Variants in TUSC3 observed in about 807,000 individuals in gnomAD.
TUSC3 encodes the protein tumor suppressor candidate 3.
In TUSC3, 45 loss-of-function variants were observed where a neutral mutation model predicts 44.8. The ratio of observed to expected loss-of-function variants is 1.00; its 90% CI spans 0.79 to 1.29. The LOEUF (loss-of-function observed/expected upper bound fraction) is 1.29. TUSC3 is among the 50% of genes most tolerant of loss of function. TUSC3 has a pLI of 0.00. For synonymous variants in TUSC3, 212 were observed against 152.9 expected, an observed-to-expected ratio of 1.39 and a Z score of -2.85; for missense variants, 519 against 437.9, an observed-to-expected ratio of 1.19 and a Z score of -1.65.
At chr8:15,464,664 G>T (rs1204359007) in intron 1 of TUSC3, among the ~76,000 whole-genome samples, 1 of 151,946 alleles carries the variant, frequency 6.6e-6, no homozygotes, top group East Asian at 1.9e-4. Context: ...TGGAGATATG[G>T]GACTTTAATT....
intron 2 of TUSC3, among the ~76,000 whole-genome samples, chr8:15,637,624 A>G (rs989689341): frequency 1.3e-5 from 2 of 152,040 alleles, no homozygotes; most frequent in Non-Finnish European, 2.9e-5. Context: ...AGCCTTGTAC[A>G]GATGCTGTTG....
chr8:15,761,822 T>C (rs1812179341), intron 10 of TUSC3, among the ~76,000 whole-genome samples: 1 of 152,280 alleles, frequency 6.6e-6, no homozygotes, highest in South Asian at 2.1e-4. Flanking sequence ...TTATACATTT[T>C]TGTGATAGGC....
intron 2 of TUSC3, among the ~76,000 whole-genome samples, chr8:15,640,341 C>G (rs1323825726): frequency 6.6e-6 from 1 of 152,178 alleles, no homozygotes; most frequent in African/African-American, 2.4e-5. Context: ...CACCGTGTGC[C>G]TTTTCCCTCT....
intron 1 of TUSC3, among the ~76,000 whole-genome samples, chr8:15,441,595 T>G (rs1800020862): frequency 6.6e-6 from 1 of 152,198 alleles, no homozygotes; most frequent in Admixed American, 6.5e-5. Context: ...TGCTGAGAAT[T>G]AACAAAAGGA....
chr8:15,465,111 T>C (rs1051946073), intron 1 of TUSC3, among the ~76,000 whole-genome samples: 12 of 152,170 alleles, frequency 7.9e-5, no homozygotes, highest in Non-Finnish European at 1.5e-5. Context: ...GCTCCCAAAT[T>C]GCTGGGATTA....
chr8:15,444,732 C>T (rs1471752810), intron 1 of TUSC3, among the ~76,000 whole-genome samples: 1 of 151,930 alleles, frequency 6.6e-6, no homozygotes, highest in Admixed American at 6.6e-5. Context: ...TATCGGTTCT[C>T]TAACTCAGAA....
intron 5 of TUSC3, among the ~76,000 whole-genome samples, chr8:15,663,371 T>A (rs1045003498): frequency 6.6e-6 from 1 of 151,782 alleles, no homozygotes; most frequent in Admixed American, 6.6e-5. Context: ...CATAACAGAT[T>A]GTTTACAGCT....
upstream of TUSC3, among the ~76,000 whole-genome samples, chr8:15,538,853 C>T (rs903800469): frequency 2.0e-5 from 3 of 151,168 alleles, no homozygotes; most frequent in Non-Finnish European, 4.4e-5. Flanking sequence ...TTTTTATATT[C>T]TGTATATATT....
In TUSC3 at chr8:15,623,170, A is replaced by G; in HGVS notation, c.229A>G (p.Ile77Val). Reference sequence around the variant, plus strand: ...GAATGGTGATAAATTCCGAAAATTTATAAAGGCACCACCTCGAAACTATTC... The same window carrying G: ...GAATGGTGATAAATTCCGAAAATTTGTAAAGGCACCACCTCGAAACTATTC... Reference protein sequence around the residue: ...RMNGDKFRKFIKAPPRNYSMI... With the variant: ...RMNGDKFRKFVKAPPRNYSMI... The change falls in exon 2 of 11, where the codon ATA becomes GTA. Residue 77 changes from isoleucine (I) to valine (V), a missense_variant. Transcript: ENST00000503731. The G allele has an allele frequency of 6.2e-7, 1 of 1,613,930 alleles. No individual in the cohort carries two copies.
At chr8:15,780,713 C>T in the TUSC3 span, among the ~76,000 whole-genome samples, 1 of 152,094 alleles carries the variant, frequency 6.6e-6, no homozygotes, top group South Asian at 2.1e-4. Flanking sequence ...CCAGCAATAA[C>T]TTCAGGTCTA....
At chr8:15,742,684 C>G (rs1811245623) in intron 7 of TUSC3, among the ~76,000 whole-genome samples, 1 of 152,154 alleles carries the variant, frequency 6.6e-6, no homozygotes, top group African/African-American at 2.4e-5. Flanking sequence ...TGAAATTAAG[C>G]AAATTGAGGA....
At chr8:15,828,381 G>C in the TUSC3 span, among the ~76,000 whole-genome samples, 1 of 152,114 alleles carries the variant, frequency 6.6e-6, no homozygotes, top group Non-Finnish European at 1.5e-5. Context: ...TAAACTCTTA[G>C]ACATTTTATC....
intron 1 of TUSC3, among the ~76,000 whole-genome samples, chr8:15,592,828 A>C (rs1803907937): frequency 6.6e-6 from 1 of 152,202 alleles, no homozygotes; most frequent in Non-Finnish European, 1.5e-5. Flanking sequence ...AGGTACCCTT[A>C]ATCCTCATTT....
At chr8:15,748,899 G>GCTC (rs1811543302) in intron 9 of TUSC3, 6 of 379,756 alleles carry the variant, frequency 1.6e-5, no homozygotes, top group South Asian at 1.2e-4. Context: ...AAAGGGAAAA[G>GCTC]TTAAGTAATA....
chr8:15,555,515 G>A (rs535553604), intron 1 of TUSC3, among the ~76,000 whole-genome samples: 45 of 151,030 alleles, frequency 3.0e-4, no homozygotes, highest in African/African-American at 1.1e-3. Context: ...GGATGGCCTT[G>A]AACTCTTGGG....
intron 5 of TUSC3, among the ~76,000 whole-genome samples, chr8:15,667,232 G>A (rs1807703101): frequency 6.6e-6 from 1 of 151,394 alleles, no homozygotes; most frequent in South Asian, 2.1e-4. Context: ...TAAGCTTTTT[G>A]TTGTTGCTGT....
chr8:15,493,070 G>C (rs1402039416), intron 2 of TUSC3, among the ~76,000 whole-genome samples: 1 of 151,854 alleles, frequency 6.6e-6, no homozygotes, highest in East Asian at 1.9e-4. Context: ...ACAGTGCTAG[G>C]TTTTATAATC....
intron 1 of TUSC3, among the ~76,000 whole-genome samples, chr8:15,550,797 G>C (rs1315748971): frequency 6.6e-6 from 1 of 151,368 alleles, no homozygotes; most frequent in South Asian, 2.1e-4. Context: ...TCAGCCTCCC[G>C]AGTAGCTGGG....
chr8:15,518,795 T>C (rs1341618262), intron 2 of TUSC3, among the ~76,000 whole-genome samples: 1 of 152,174 alleles, frequency 6.6e-6, no homozygotes, highest in African/African-American at 2.4e-5. Context: ...TAATCCCTCT[T>C]GTTTTTATAG....
Sources: gnomAD v4.1 joint callset for allele counts (sites outside exome capture counted in the v4.1 genomes callset) on GRCh38, gnomAD v4.1.1 for gene constraint, MANE v1.5 for transcripts, NCBI Gene and HGNC (gene_info 2026-07-23, HGNC 2026-07-21) for gene names.